The following WDR70 variants were observed in gnomAD, a reference collection of about 807,000 sequenced individuals.
WDR70 encodes WD repeat domain 70, also known as WD repeat-containing protein 70.
Under a neutral mutation model 88.6 loss-of-function variants are expected in WDR70, and 53 were observed. The ratio of observed to expected loss-of-function variants is 0.60; its 90% CI spans 0.48 to 0.75. The LOEUF is 0.75. Ranked by LOEUF, WDR70 falls within the 30% of genes least tolerant of loss-of-function variation. WDR70 has a pLI of 0.00. For synonymous variants in WDR70, 280 were observed against 270.0 expected, an observed-to-expected ratio of 1.04 and a Z score of -0.36; for missense variants, 610 against 823.2, an observed-to-expected ratio of 0.74 and a Z score of 3.17.
intron 13 of WDR70, among the ~76,000 whole-genome samples, chr5:37,718,031 A>C (rs114276946): frequency 8.5e-5 from 13 of 152,284 alleles, no homozygotes; most frequent in African/African-American, 3.1e-4. Flanking sequence ...TTAGTGACTC[A>C]TTGCCACAGT....
At chr5:37,657,889 A>G (rs1468682417) in intron 10 of WDR70, among the ~76,000 whole-genome samples, 1 of 152,230 alleles carries the variant, frequency 6.6e-6, no homozygotes, top group Admixed American at 6.5e-5. Flanking sequence ...CCTACATAAT[A>G]AAAAATACAC....
intron 10 of WDR70, among the ~76,000 whole-genome samples, chr5:37,625,309 C>A (rs1166000556): frequency 6.6e-6 from 1 of 152,068 alleles, no homozygotes; most frequent in Non-Finnish European, 1.5e-5. Context: ...TGTATGAGTT[C>A]CCTTTTCTCC....
chr5:37,540,594 A>G (rs1192942346), intron 9 of WDR70, among the ~76,000 whole-genome samples: 1 of 152,102 alleles, frequency 6.6e-6, no homozygotes, highest in East Asian at 1.9e-4. Flanking sequence ...GTTGGCCAGC[A>G]TGGTCTTGAT....
intron 10 of WDR70, among the ~76,000 whole-genome samples, chr5:37,637,803 C>A (rs1745012950): frequency 6.6e-6 from 1 of 152,194 alleles, no homozygotes; most frequent in African/African-American, 2.4e-5. Flanking sequence ...ACTTTCCTGG[C>A]CTCTTTGTAT....
chr5:37,749,839 A>AAAG (rs1554016849), intron 17 of WDR70, among the ~76,000 whole-genome samples: 4 of 150,008 alleles, frequency 2.7e-5, no homozygotes, highest in African/African-American at 9.9e-5. Context: ...TGAAAAAAAA[A>AAAG]ACCAAAAACG....
chr5:37,639,283 G>A (rs1745046761), intron 10 of WDR70, among the ~76,000 whole-genome samples: 1 of 152,006 alleles, frequency 6.6e-6, no homozygotes, highest in Non-Finnish European at 1.5e-5. Flanking sequence ...ATTCTTTCCT[G>A]GTGGATATGG....
intron 7 of WDR70, among the ~76,000 whole-genome samples, chr5:37,464,454 A>G (rs1234382797): frequency 6.6e-6 from 1 of 152,240 alleles, no homozygotes; most frequent in Non-Finnish European, 1.5e-5. Context: ...TTGAACAAGG[A>G]AAGATCAGTA....
At chr5:37,660,688 A>C (rs1450940627) in intron 10 of WDR70, among the ~76,000 whole-genome samples, 1 of 152,066 alleles carries the variant, frequency 6.6e-6, no homozygotes, top group East Asian at 1.9e-4. Flanking sequence ...ATCTTCAGTA[A>C]GTTTTTTATA....
intron 9 of WDR70, among the ~76,000 whole-genome samples, chr5:37,528,064 A>T (rs1265667503): frequency 6.6e-6 from 1 of 152,220 alleles, no homozygotes; most frequent in Non-Finnish European, 1.5e-5. Flanking sequence ...TTTGGAAAAC[A>T]GTGTGGTGAT....
rs149152224 is a variant in WDR70, at chr5:37,513,619, A to G, written c.841-2895A>G. ...TCACATGATCACAAGGTCCCACAAT[A>G]GGCTGTATGCAAGCTGAGGAGCAAG... is the stretch of plus-strand genomic sequence containing the variant. On this transcript the variant is annotated intron_variant, in intron 8 of 17. Transcript: ENST00000265107. Among the ~76,000 whole-genome samples, 82 of 152,332 alleles carry G rather than the reference A, an allele frequency of 5.4e-4. 1 individual carries two copies. In the East Asian group the frequency reaches 0.014, roughly 27 times the overall value.
intron 8 of WDR70, among the ~76,000 whole-genome samples, chr5:37,501,171 C>T (rs1740396378): frequency 6.6e-6 from 1 of 151,868 alleles, no homozygotes; most frequent in African/African-American, 2.4e-5. Flanking sequence ...CTTTGTTGGG[C>T]GCATAGTTTG....
chr5:37,736,787 A>G (rs986356014), intron 17 of WDR70, among the ~76,000 whole-genome samples: 3 of 152,096 alleles, frequency 2.0e-5, no homozygotes, highest in Admixed American at 6.6e-5. Flanking sequence ...AATAGTAAAA[A>G]GTAATTATGG....
chr5:37,426,926 C>T (rs571288352), intron 5 of WDR70, among the ~76,000 whole-genome samples: 29 of 152,012 alleles, frequency 1.9e-4, no homozygotes, highest in African/African-American at 6.8e-4. Context: ...CGGGTGTGCA[C>T]AACCATGCCC....
At chr5:37,559,410 G>A (rs554228589) in intron 9 of WDR70, among the ~76,000 whole-genome samples, 1 of 152,000 alleles carries the variant, frequency 6.6e-6, no homozygotes, top group East Asian at 1.9e-4. Flanking sequence ...CCTCTCTCAT[G>A]CTTTTTCCTT....
At chr5:37,679,852 G>A (rs1448276526) in intron 10 of WDR70, among the ~76,000 whole-genome samples, 1 of 152,254 alleles carries the variant, frequency 6.6e-6, no homozygotes, top group Non-Finnish European at 1.5e-5. Flanking sequence ...GGCTGCAGAG[G>A]CAGGCAGGCC....
At chr5:37,734,833 C>T (rs944435359) in intron 17 of WDR70, among the ~76,000 whole-genome samples, 1 of 152,134 alleles carries the variant, frequency 6.6e-6, no homozygotes, top group African/African-American at 2.4e-5. Flanking sequence ...TTTTCTACTT[C>T]GATCTATGAA....
chr5:37,404,485 T>C (rs1006595419), intron 5 of WDR70, among the ~76,000 whole-genome samples: 1 of 152,262 alleles, frequency 6.6e-6, no homozygotes. Context: ...ATTTTTTCTA[T>C]AATATGTGCA....
At position 37,740,412 on chromosome 5, in the gene WDR70, T is replaced by G. The variant is rs796788173; in HGVS notation, c.1878-12074T>G. ...TAAAGCTATGATTCTCTCACTATGC[T>G]CCTACAAAACACTGGTGTTCCTTAG... On this transcript the variant is annotated intron_variant, in intron 17 of 17. Transcript: ENST00000265107. 5.3e-5 allele frequency among the ~76,000 whole-genome samples: 8 copies of G among 152,358 alleles called. 1 individual carries two copies. The highest frequency in any genetic ancestry group is 1.9e-4 in the African/African-American group (8 of 41,584).
chr5:37,456,816 A>G (rs1326920537), intron 7 of WDR70, among the ~76,000 whole-genome samples: 2 of 152,232 alleles, frequency 1.3e-5, no homozygotes, highest in Non-Finnish European at 2.9e-5. Context: ...GCAATGGGCT[A>G]CTATCCATAA....
Sources: allele counts gnomAD v4.1 joint callset (sites outside exome capture counted in the v4.1 genomes callset), GRCh38; gene constraint gnomAD v4.1.1; transcripts MANE v1.5; gene names NCBI Gene and HGNC (gene_info 2026-07-23, HGNC 2026-07-21).